Variants in ZNF682 observed in about 807,000 individuals in gnomAD.
ZNF682 encodes the protein zinc finger protein 682.
ZNF682 carries 29 observed loss-of-function variants against 36.5 expected under a neutral mutation model. The ratio of observed to expected loss-of-function variants is 0.80; its 90% confidence interval spans 0.59 to 1.08. ZNF682 has a LOEUF of 1.08. Ranked by LOEUF, ZNF682 falls within the 50% of genes least tolerant of loss-of-function variation. The pLI, the probability that ZNF682 is intolerant of heterozygous loss-of-function variation, is 0.00. For missense variants in ZNF682, 561 were observed against 579.7 expected, an observed-to-expected ratio of 0.97 and a Z score of 0.33; for synonymous variants, 180 against 197.0, an observed-to-expected ratio of 0.91 and a Z score of 0.72.
At chr19:20,025,012 C>T (rs2088419404) in intron 1 of ZNF682, among the ~76,000 whole-genome samples, 3 of 152,188 alleles carry the variant, frequency 2.0e-5, no homozygotes, top group African/African-American at 4.8e-5. Context: ...TTTTAATGTA[C>T]GTGACAATGA....
chr19:19,995,963 T>C (rs534985093), downstream of ZNF682, among the ~76,000 whole-genome samples: 19 of 152,296 alleles, frequency 1.2e-4, no homozygotes, highest in African/African-American at 3.6e-4. Context: ...CTCATTGTCA[T>C]GGGGTTGCCA....
chr19:19,998,830 T>C (rs748116548), intron 3 of ZNF682, among the ~76,000 whole-genome samples: 12 of 151,996 alleles, frequency 7.9e-5, no homozygotes, highest in African/African-American at 2.9e-4. Context: ...AGTACAGAAA[T>C]AGATAATTAA....
Position 20,005,829 on chromosome 19 carries a change from T to C in ZNF682, c.*176A>G. ...TTTAAAATCAGAATTTTTCTCAGCA[T>C]GAATTTTCTTCTGTGCAATAAGCTG... On this transcript the variant is annotated 3_prime_UTR_variant, in exon 4 of 4. Coordinates refer to ENST00000397165, the MANE Select transcript of ZNF682 (RefSeq NM_033196.3). 1.6e-6 allele frequency: 1 copy of C among 626,882 alleles called. No individual in the cohort carries two copies. 38.8% of individuals were successfully genotyped at this position (626,882 alleles called of 1,614,324 possible). A position where few individuals can be genotyped will look rare whatever the true frequency, so the allele number is the denominator to read the frequency against.
intron 1 of ZNF682, among the ~76,000 whole-genome samples, chr19:20,035,096 T>C (rs562463570): frequency 1.4e-4 from 22 of 152,324 alleles, no homozygotes; most frequent in African/African-American, 5.1e-4. Flanking sequence ...AAATTCTGTC[T>C]CAAATACATA....
rs114516973 is a variant in ZNF682, at chr19:20,011,032, A to G, written c.227-3757T>C. On this transcript the variant is annotated intron_variant, in intron 3 of 3. Transcript: ENST00000397165. ...TGGCAAATCAGATTTAAAAAAAACC[A>G]AGACTTAACCTTCTGCTGACTTCGA... Among the ~76,000 whole-genome samples, 1,401 of 152,208 alleles carry G rather than the reference A, an allele frequency of 9.2e-3. 24 individuals carry two copies. The highest frequency in any genetic ancestry group is 0.032 in the African/African-American group (1,323 of 41,524).
rs778176736 is a variant in ZNF682 at position 20,006,324 on chromosome 19, C to G, written c.1178G>C (p.Gly393Ala). 3.1e-6 allele frequency: 5 copies of G among 1,613,548 alleles called. No homozygotes were observed. Among genetic ancestry groups the G allele is most frequent in the Non-Finnish European group, 4.2e-6 (5 of 1,180,006 alleles). The change falls in exon 4 of 4, where the codon GGA (glycine) becomes GCA (alanine). Residue 393 changes from glycine to alanine, a missense_variant. Gly to Ala is a moderately conservative substitution (Grantham distance 60). Coordinates refer to ENST00000397165, the MANE Select transcript of ZNF682 (RefSeq NM_033196.3). The part of the protein sequence containing the change: ...YLTKHKRIHT[G>A]EKPYKCEECG... ...TTCTTCACATTTGTAGGGTTTCTCT[C>G]CAGTGTGAATTCTCTTGTGTTTAGT...
At chr19:20,017,131 G>A (rs561529591) in intron 3 of ZNF682, among the ~76,000 whole-genome samples, 1 of 152,094 alleles carries the variant, frequency 6.6e-6, no homozygotes, top group South Asian at 2.1e-4. Context: ...CAAAAACAAA[G>A]GCAGTAAGAG....
chr19:20,002,901 A>T (rs1039695111), downstream of ZNF682, among the ~76,000 whole-genome samples: 1 of 152,172 alleles, frequency 6.6e-6, no homozygotes, highest in African/African-American at 2.4e-5. Flanking sequence ...AAATTAAAAG[A>T]ACAACAAGGC....
rs139365651 is a variant in ZNF682, at chr19:20,018,044, T to A, written c.226+4960A>T. 2.4e-3 allele frequency among the ~76,000 whole-genome samples: 370 copies of A among 151,844 alleles called. 2 individuals are homozygous for A. Among genetic ancestry groups the A allele is most frequent in the African/African-American group, 8.1e-3 (337 of 41,502 alleles). On this transcript the variant is annotated intron_variant, in intron 3 of 3. Transcript: ENST00000397165. ...ATCTCCATGGTAGTTTTTATTTTTTTTTTTTGCAGAAATATAGTTAAGATT... is the reference window on the plus strand; with the variant it reads ...ATCTCCATGGTAGTTTTTATTTTTTATTTTTGCAGAAATATAGTTAAGATT...
Position 20,037,358 on chromosome 19 carries a change from G to A in ZNF682, c.3+1985C>T, listed in dbSNP as rs534290284. Among the ~76,000 whole-genome samples the A allele has an allele frequency of 6.6e-4, 100 of 152,290 alleles. 1 individual carries two copies. The highest frequency in any genetic ancestry group is 2.2e-3 in the African/African-American group (92 of 41,548). ...CTGACTTCTTCCTGTGTCCATGCAG[G>A]CAGATGAGACTATAATCAGGTGGCA... On this transcript the variant is annotated intron_variant, in intron 1 of 3. Transcript: ENST00000397165.
chr19:20,012,534 G>A (rs933428558), intron 3 of ZNF682, among the ~76,000 whole-genome samples: 3 of 152,074 alleles, frequency 2.0e-5, no homozygotes, highest in African/African-American at 4.8e-5. Context: ...TTGGGAGGCC[G>A]AGGCGGGTGG....
At chr19:20,008,663 G>A (rs923752826) in intron 3 of ZNF682, among the ~76,000 whole-genome samples, 3 of 152,170 alleles carry the variant, frequency 2.0e-5, no homozygotes, top group African/African-American at 4.8e-5. Flanking sequence ...TGTCCCTAAG[G>A]AAGGGTAAGC....
In ZNF682 at chr19:20,038,011, A is replaced by G. The variant is rs186656885; in HGVS notation, c.3+1332T>C. Among the ~76,000 whole-genome samples the G allele has an allele frequency of 3.3e-5, 5 of 152,304 alleles. No homozygotes were observed. In the East Asian group the frequency reaches 9.7e-4, roughly 29 times the overall value. On this transcript the variant is annotated intron_variant, in intron 1 of 3. Transcript: ENST00000397165. ...GGGGCTGATATTCACTAGACACCTC[A>G]GGAGACACAGCCACTGTGGGCATCT...
downstream of ZNF682, among the ~76,000 whole-genome samples, chr19:19,999,778 G>A (rs571099257): frequency 5.9e-5 from 9 of 152,222 alleles, no homozygotes; most frequent in African/African-American, 1.4e-4. Context: ...CAAGCAACCC[G>A]CCTGCCTCGG....
downstream of ZNF682, among the ~76,000 whole-genome samples, chr19:20,000,013 C>G (rs796677889): frequency 6.6e-6 from 1 of 152,180 alleles, no homozygotes; most frequent in Non-Finnish European, 1.5e-5. Context: ...GCTGTCTCTT[C>G]TATTATAAAA....
intron 1 of ZNF682, among the ~76,000 whole-genome samples, chr19:20,034,774 CAAA>C (rs34063491): frequency 1.3e-4 from 18 of 134,158 alleles, no homozygotes; most frequent in African/African-American, 1.6e-4. Flanking sequence ...AACTCCATCT[CAAA>C]AAAAAAAAAA....
chr19:20,025,866 G>C (rs572835335), intron 1 of ZNF682, among the ~76,000 whole-genome samples: 1 of 152,170 alleles, frequency 6.6e-6, no homozygotes, highest in East Asian at 1.9e-4. Context: ...ATATCTCCCA[G>C]GTTTTATAAC....
chr19:20,023,176 AAG>A, intron 2 of ZNF682, 77 bp from the exon 3 acceptor site: 3 of 1,288,334 alleles, frequency 2.3e-6, no homozygotes, highest in Non-Finnish European at 3.3e-6. Flanking sequence ...CTCTGTAGAT[AAG>A]AGAGAATATT....
chr19:20,021,122 T>TA (rs757184229), intron 3 of ZNF682, among the ~76,000 whole-genome samples: 42 of 152,300 alleles, frequency 2.8e-4, no homozygotes, highest in East Asian at 2.7e-3. Flanking sequence ...GATTAGCTTT[T>TA]AAAAAAATCT....
Sources: gnomAD v4.1 joint callset for allele counts (sites outside exome capture counted in the v4.1 genomes callset) on GRCh38, gnomAD v4.1.1 for gene constraint, MANE v1.5 for transcripts, NCBI Gene and HGNC (gene_info 2026-07-23, HGNC 2026-07-21) for gene names.